GPR158: variants seen among roughly 807,000 people sequenced by gnomAD.
GPR158 encodes G protein-coupled receptor 158.
In GPR158, 30 loss-of-function variants were observed where a neutral mutation model predicts 78.2. The ratio of observed to expected loss-of-function variants is 0.38; its 90% CI spans 0.29 to 0.52. The LOEUF is 0.52. Ranked by LOEUF, GPR158 falls within the 20% of genes least tolerant of loss-of-function variation. The probability of loss-of-function intolerance (pLI) is 0.83; values close to 1 mark genes in which losing one functional copy is unlikely to be tolerated. For missense variants in GPR158, 1,463 were observed against 1,523.5 expected (o/e 0.96, Z 0.66); for synonymous variants, 581 against 591.1 (o/e 0.98, Z 0.25).
intron 5 of GPR158, among the ~76,000 whole-genome samples, chr10:25,515,204 A>C (rs180724241): frequency 6.6e-6 from 1 of 151,952 alleles, no homozygotes; most frequent in African/African-American, 2.4e-5. Flanking sequence ...TTTTTTAAAA[A>C]ATTTTTTGTC....
chr10:25,596,870 G>A (rs1837415731), intron 10 of GPR158, 81 bp downstream of exon 10: 27 of 1,192,248 alleles, frequency 2.3e-5, no homozygotes, highest in South Asian at 2.0e-4. Context: ...TGGGGTGCGT[G>A]TGTGCATGCA....
chr10:25,426,491 A>C (rs1478083416), intron 4 of GPR158, among the ~76,000 whole-genome samples: 1 of 151,850 alleles, frequency 6.6e-6, no homozygotes. Context: ...CCTTTTTTTG[A>C]ATACTTAGAG....
At chr10:25,194,879 C>T (rs1379860747) in intron 1 of GPR158, among the ~76,000 whole-genome samples, 2 of 151,792 alleles carry the variant, frequency 1.3e-5, no homozygotes, top group Non-Finnish European at 2.9e-5. Flanking sequence ...GCCCTCCTAC[C>T]TCTGTTGACT....
intron 5 of GPR158, among the ~76,000 whole-genome samples, chr10:25,471,159 C>T (rs1835494747): frequency 6.8e-6 from 1 of 147,518 alleles, no homozygotes. Flanking sequence ...TCCCCTGTGT[C>T]CAACTGTTCT....
intron 8 of GPR158, among the ~76,000 whole-genome samples, chr10:25,593,856 T>C (rs1407866158): frequency 6.6e-6 from 1 of 152,088 alleles, no homozygotes; most frequent in Admixed American, 6.6e-5. Flanking sequence ...AGATAAATAA[T>C]TGTCCACTTT....
At chr10:25,549,703 C>T (rs963460282) in intron 5 of GPR158, among the ~76,000 whole-genome samples, 5 of 152,082 alleles carry the variant, frequency 3.3e-5, no homozygotes, top group African/African-American at 9.7e-5. Context: ...CGTATTTTCT[C>T]CATTCCTTGA....
At chr10:25,228,808 G>A (rs1347184355) in intron 2 of GPR158, among the ~76,000 whole-genome samples, 1 of 152,098 alleles carries the variant, frequency 6.6e-6, no homozygotes, top group Admixed American at 6.5e-5. Flanking sequence ...AAGGCAGACG[G>A]ATCACGAGGT....
At chr10:25,558,696 GTTT>G (rs902370133) in intron 6 of GPR158, among the ~76,000 whole-genome samples, 1 of 152,176 alleles carries the variant, frequency 6.6e-6, no homozygotes, top group African/African-American at 2.4e-5. Context: ...ACTGAGTTGT[GTTT>G]TTATTTCCAT....
Position 25,247,923 on chromosome 10 carries a change from GTCCCACC to G in GPR158, c.1008+26767_1008+26773del, listed in dbSNP as rs1421259194. Among the ~76,000 whole-genome samples the G allele has an allele frequency of 2.0e-5, 3 of 148,708 alleles. No individual in the cohort carries two copies. In the East Asian group the frequency reaches 6.0e-4, roughly 30 times the overall value. ...TCCACAATGGTTGAACTAGTTTACA[GTCCCACC>G]AACAATGTAAAAGTGTTCCTATTTC... is the stretch of plus-strand genomic sequence containing the variant. On this transcript the variant is annotated intron_variant, in intron 2 of 10. Coordinates refer to ENST00000376351, the MANE Select transcript of GPR158 (RefSeq NM_020752.3).
At chr10:25,294,338 CGT>C (rs1854481846) in intron 2 of GPR158, among the ~76,000 whole-genome samples, 1 of 151,912 alleles carries the variant, frequency 6.6e-6, no homozygotes, top group African/African-American at 2.4e-5. Context: ...ATATTAAAAT[CGT>C]GTCTTAATTT....
intron 2 of GPR158, among the ~76,000 whole-genome samples, chr10:25,383,435 T>A (rs4351726): frequency 0.65 from 98,037 of 151,984 alleles, 32,586 homozygotes; most frequent in Non-Finnish European, 0.73. Flanking sequence ...CAGACTGCCA[T>A]AGAAACACCT....
At chr10:25,512,813 G>A (rs1002415754) in intron 5 of GPR158, among the ~76,000 whole-genome samples, 10 of 152,006 alleles carry the variant, frequency 6.6e-5, no homozygotes, top group African/African-American at 1.9e-4. Flanking sequence ...TTTTAATAAC[G>A]TTTATGTGCT....
At chr10:25,467,138 T>C (rs976730741) in intron 5 of GPR158, among the ~76,000 whole-genome samples, 8 of 152,156 alleles carry the variant, frequency 5.3e-5, no homozygotes, top group African/African-American at 1.9e-4. Flanking sequence ...CAGGACAATT[T>C]GAAGTGTGGG....
intron 2 of GPR158, among the ~76,000 whole-genome samples, chr10:25,363,699 G>C (rs1247310348): frequency 1.3e-5 from 2 of 151,782 alleles, no homozygotes; most frequent in Non-Finnish European, 2.9e-5. Context: ...GCTCAATCTG[G>C]TTGAATCCTG....
At chr10:25,215,823 T>A (rs1202082538) in intron 1 of GPR158, among the ~76,000 whole-genome samples, 5 of 152,144 alleles carry the variant, frequency 3.3e-5, no homozygotes, top group Non-Finnish European at 7.4e-5. Context: ...TGAGAGAGAC[T>A]CTGTCTCAAA....
At chr10:25,381,750 TA>T (rs1345377136) in intron 2 of GPR158, among the ~76,000 whole-genome samples, 1 of 152,206 alleles carries the variant, frequency 6.6e-6, no homozygotes, top group Non-Finnish European at 1.5e-5. Context: ...TCAAAGATAT[TA>T]TTCATATTAA....
intron 2 of GPR158, among the ~76,000 whole-genome samples, chr10:25,382,309 G>T (rs1173887748): frequency 1.3e-5 from 2 of 152,188 alleles, no homozygotes; most frequent in Non-Finnish European, 2.9e-5. Context: ...TCAGTGTGAA[G>T]TCTGCAGACT....
intron 2 of GPR158, among the ~76,000 whole-genome samples, chr10:25,344,895 A>G (rs1164804496): frequency 1.3e-5 from 2 of 151,996 alleles, no homozygotes; most frequent in Non-Finnish European, 2.9e-5. Flanking sequence ...CCTGCTTTTC[A>G]TAAAAAGTGA....
At chr10:25,423,529 G>T (rs9418477) in intron 4 of GPR158, among the ~76,000 whole-genome samples, 1 of 151,488 alleles carries the variant, frequency 6.6e-6, no homozygotes, top group Non-Finnish European at 1.5e-5. Flanking sequence ...AATGCTATCC[G>T]TCCCCCATGC....
Sources: gnomAD v4.1 joint callset for allele counts (sites outside exome capture counted in the v4.1 genomes callset) on GRCh38, gnomAD v4.1.1 for gene constraint, MANE v1.5 for transcripts, NCBI Gene and HGNC (gene_info 2026-07-23, HGNC 2026-07-21) for gene names.